Variants in ZDHHC21 observed in about 807,000 individuals in gnomAD.
The protein encoded by ZDHHC21 is palmitoyltransferase ZDHHC21.
ZDHHC21 carries 15 observed loss-of-function variants against 34.6 expected under a neutral mutation model. That is an observed-to-expected ratio of 0.43 (90% CI 0.29 to 0.67). ZDHHC21 has a LOEUF of 0.67. Among genes scored for constraint, ZDHHC21 ranks in the 30% least tolerant of loss-of-function variants. The pLI is 0.14. For missense variants in ZDHHC21, 344 were observed against 327.7 expected, an observed-to-expected ratio of 1.05 and a Z score of -0.38; for synonymous variants, 142 against 101.8, an observed-to-expected ratio of 1.40 and a Z score of -2.38.
intron 7 of ZDHHC21, among the ~76,000 whole-genome samples, chr9:14,649,566 C>T (rs936455627): frequency 1.3e-5 from 2 of 152,078 alleles, no homozygotes; most frequent in Admixed American, 6.6e-5. Flanking sequence ...CCCAACCCAA[C>T]GCTCAGGTAA....
Position 14,618,845 on chromosome 9 carries a change from A to T in ZDHHC21, c.*121T>A, listed in dbSNP as rs1238452349. On this transcript the variant is annotated 3_prime_UTR_variant, in exon 10 of 10. Coordinates refer to ENST00000380916, the MANE Select transcript of ZDHHC21 (RefSeq NM_178566.6). ...ATTAAAATAAAGCCTGGGGCACATT[A>T]TGATGCCTAAGACTGGTGGGTGGAT... The T allele has an allele frequency of 8.8e-7, 1 of 1,134,494 alleles. No individual in the cohort carries two copies. Among genetic ancestry groups the T allele is most frequent in the Non-Finnish European group, 1.2e-6 (1 of 849,926 alleles). 70.3% of individuals were successfully genotyped at this position (1,134,494 alleles called of 1,614,324 possible). A position where few individuals can be genotyped will look rare whatever the true frequency, so the allele number is the denominator to read the frequency against.
the ZDHHC21 span, among the ~76,000 whole-genome samples, chr9:14,602,152 TAATAAA>T: frequency 6.6e-6 from 1 of 151,532 alleles, no homozygotes; most frequent in Non-Finnish European, 1.5e-5. Flanking sequence ...ATAATAATAA[TAATAAA>T]AAGAACCTAA....
At chr9:14,651,409 C>A (rs10756593) in intron 7 of ZDHHC21, among the ~76,000 whole-genome samples, 143,220 of 151,926 alleles carry the variant, frequency 0.94, 67,541 homozygotes, top group Non-Finnish European at 0.96. Flanking sequence ...TAATAGCAAG[C>A]ACATGACTTA....
chr9:14,657,248 A>G (rs1220959463), intron 7 of ZDHHC21, among the ~76,000 whole-genome samples: 3 of 152,136 alleles, frequency 2.0e-5, no homozygotes, highest in African/African-American at 7.2e-5. Flanking sequence ...TAGGCCAAAG[A>G]AAAATTGTTT....
At chr9:14,639,862 C>T in intron 8 of ZDHHC21, 34 bp downstream of exon 8, 1 of 1,251,928 alleles carries the variant, frequency 8.0e-7, no homozygotes. Context: ...GTAATATATT[C>T]ATAAATGTTA....
At position 14,617,802 on chromosome 9, in the gene ZDHHC21, C is replaced by T. The variant is rs959548523; in HGVS notation, c.*1164G>A. The T allele has an allele frequency of 2.6e-5, 4 of 151,972 alleles. No individual in the cohort carries two copies. The highest frequency in any genetic ancestry group is 6.6e-5 in the Admixed American group (1 of 15,242). The allele number at this position is 151,972 out of a possible 1,614,324, so 9.4% of individuals were successfully genotyped here. On this transcript the variant is annotated 3_prime_UTR_variant, in exon 10 of 10. Transcript: ENST00000380916. ...TTCTTATTTTAGGTTCACTTCCTAACACTAGCTACTAGTAAAAGGTCTCTC... is the reference window on the plus strand; with the variant it reads ...TTCTTATTTTAGGTTCACTTCCTAATACTAGCTACTAGTAAAAGGTCTCTC...
At chr9:14,648,935 A>G (rs10810200) in intron 7 of ZDHHC21, among the ~76,000 whole-genome samples, 35,256 of 129,788 alleles carry the variant, frequency 0.27, 4,246 homozygotes, top group South Asian at 0.42. Context: ...TCTGAAAAGT[A>G]AAAATTTTTT....
chr9:14,689,753 T>C (rs535026780), intron 2 of ZDHHC21, among the ~76,000 whole-genome samples: 1 of 152,156 alleles, frequency 6.6e-6, no homozygotes, highest in Non-Finnish European at 1.5e-5. Flanking sequence ...AGTAGATAAC[T>C]GGGCCACTGT....
intron 7 of ZDHHC21, among the ~76,000 whole-genome samples, chr9:14,645,606 T>C (rs909628007): frequency 6.6e-6 from 1 of 151,954 alleles, no homozygotes; most frequent in Non-Finnish European, 1.5e-5. Context: ...GTGGAGTACA[T>C]TAAAATTTAA....
At chr9:14,603,514 GTTT>G in the ZDHHC21 span, among the ~76,000 whole-genome samples, 1 of 152,074 alleles carries the variant, frequency 6.6e-6, no homozygotes, top group Non-Finnish European at 1.5e-5. Context: ...CCCCAGTGTG[GTTT>G]TTACTTCTAT....
Position 14,615,312 on chromosome 9 carries a change from A to G in ZDHHC21, c.*3654T>C, listed in dbSNP as rs1823976534. 6.6e-6 allele frequency: 1 copy of G among 151,704 alleles called. No homozygotes were observed. Among genetic ancestry groups the G allele is most frequent in the Non-Finnish European group, 1.5e-5 (1 of 67,690 alleles). 9.4% of individuals were successfully genotyped at this position (151,704 alleles called of 1,614,324 possible). ...TAACAAAGAATAGTTATCATTAGCC[A>G]TCATACTTAGAGAAAAATGCCTCTA... On this transcript the variant is annotated 3_prime_UTR_variant, in exon 10 of 10. Transcript: ENST00000380916.
At chr9:14,657,514 G>A (rs1832462371) in intron 7 of ZDHHC21, among the ~76,000 whole-genome samples, 1 of 15,712 alleles carries the variant, frequency 6.4e-5, no homozygotes, top group Admixed American at 3.7e-4. Context: ...CAAAGTTACT[G>A]TAAAAGAGCC....
intron 6 of ZDHHC21, 147 bp from the exon 7 acceptor site, chr9:14,659,034 T>C: frequency 1.4e-6 from 1 of 740,348 alleles, no homozygotes; most frequent in Non-Finnish European, 2.1e-6. Flanking sequence ...AAAAACAAAC[T>C]ATACAGAGAA....
chr9:14,597,342 G>A, the ZDHHC21 span, among the ~76,000 whole-genome samples: 69 of 152,168 alleles, frequency 4.5e-4, 1 homozygote, highest in African/African-American at 1.7e-3. Flanking sequence ...TCAGCAGTGT[G>A]GCTGGGTATC....
chr9:14,590,083 A>C, the ZDHHC21 span: 1 of 152,326 alleles, frequency 6.6e-6, no homozygotes, highest in African/African-American at 2.4e-5. Context: ...TATATAATTA[A>C]AAGAGAAATG....
intron 1 of ZDHHC21, among the ~76,000 whole-genome samples, chr9:14,692,956 C>T (rs1231264111): frequency 6.6e-6 from 1 of 151,952 alleles, no homozygotes; most frequent in Non-Finnish European, 1.5e-5. Context: ...AACCCCCCAC[C>T]CCCAGTTGAG....
At chr9:14,610,762 T>G (rs945225537), downstream of ZDHHC21, among the ~76,000 whole-genome samples, 3 of 152,062 alleles carry the variant, frequency 2.0e-5, no homozygotes, top group Non-Finnish European at 4.4e-5. Context: ...TATAAAATAG[T>G]GTCTGCCACA....
chr9:14,599,326 A>G, the ZDHHC21 span, among the ~76,000 whole-genome samples: 1 of 152,134 alleles, frequency 6.6e-6, no homozygotes, highest in South Asian at 2.1e-4. Context: ...GCATTGCCTC[A>G]CTTGGGAAGC....
chr9:14,641,959 G>C (rs1367668514), intron 7 of ZDHHC21, among the ~76,000 whole-genome samples: 6 of 152,064 alleles, frequency 3.9e-5, no homozygotes, highest in Non-Finnish European at 7.4e-5. Flanking sequence ...TGCACATATT[G>C]CATTATAGCA....
Sources: allele counts gnomAD v4.1 joint callset (sites outside exome capture counted in the v4.1 genomes callset), GRCh38; gene constraint gnomAD v4.1.1; transcripts MANE v1.5; gene names NCBI Gene and HGNC (gene_info 2026-07-23, HGNC 2026-07-21).